AUH: variants seen among roughly 807,000 people sequenced by gnomAD.
AUH encodes the protein AU RNA binding methylglutaconyl-CoA hydratase.
In AUH, 29 loss-of-function variants were observed where a neutral mutation model predicts 42.3. That is an observed-to-expected ratio of 0.69 (90% CI 0.51 to 0.93). The LOEUF (loss-of-function observed/expected upper bound fraction) is 0.93, where lower values mean the gene tolerates loss of function less well. Among genes scored for constraint, AUH ranks in the 40% least tolerant of loss-of-function variants. The pLI, the probability that AUH is intolerant of heterozygous loss-of-function variation, is 0.00. For missense variants in AUH, 452 were observed against 438.1 expected, an observed-to-expected ratio of 1.03 and a Z score of -0.28; for synonymous variants, 174 against 166.4, an observed-to-expected ratio of 1.05 and a Z score of -0.35.
At chr9:91,344,494 A>G (rs550966543) in intron 3 of AUH, among the ~76,000 whole-genome samples, 47 of 152,366 alleles carry the variant, frequency 3.1e-4, no homozygotes, top group Admixed American at 5.9e-4. Context: ...TATTTGGCTC[A>G]GAATAAATCT....
At chr9:91,288,259 G>C (rs920985355) in intron 6 of AUH, among the ~76,000 whole-genome samples, 1 of 152,146 alleles carries the variant, frequency 6.6e-6, no homozygotes, top group Non-Finnish European at 1.5e-5. Context: ...TAAATTTAAA[G>C]AGATACTGTC....
chr9:91,214,802 T>C (rs964254992), intron 9 of AUH, among the ~76,000 whole-genome samples: 2 of 152,248 alleles, frequency 1.3e-5, no homozygotes, highest in African/African-American at 4.8e-5. Context: ...CTCTGACATA[T>C]AACATTATTT....
Position 91,243,627 on chromosome 9 carries a change from G to A in AUH, c.656-22635C>T, listed in dbSNP as rs563226781. Among the ~76,000 whole-genome samples the A allele has an allele frequency of 7.5e-4, 114 of 152,342 alleles. 2 individuals are homozygous for A. In the South Asian group the frequency reaches 0.021, roughly 28 times the overall value. ...AGAAAAGGCCTGAGACGTGAAAGAT[G>A]TGGAACTGACCACAAAGCACAGAAC... On this transcript the variant is annotated intron_variant, in intron 6 of 9. Transcript: ENST00000375731.
chr9:91,247,307 A>G (rs978495071), intron 6 of AUH, among the ~76,000 whole-genome samples: 1 of 152,112 alleles, frequency 6.6e-6, no homozygotes, highest in African/African-American at 2.4e-5. Flanking sequence ...CTCACTCCCC[A>G]TAAAGGTGGT....
At chr9:91,273,590 A>G (rs1221022792) in intron 6 of AUH, among the ~76,000 whole-genome samples, 1 of 152,248 alleles carries the variant, frequency 6.6e-6, no homozygotes. Context: ...AAAATGTTAC[A>G]TTTATTTAAG....
chr9:91,301,463 G>A (rs1031871387), intron 4 of AUH, among the ~76,000 whole-genome samples: 6 of 152,200 alleles, frequency 3.9e-5, no homozygotes, highest in Non-Finnish European at 7.4e-5. Flanking sequence ...CCAGCATTCT[G>A]GGAGGCCAAG....
intron 3 of AUH, among the ~76,000 whole-genome samples, 186 bp downstream of exon 3, chr9:91,355,697 T>C (rs970480827): frequency 1.3e-5 from 2 of 152,210 alleles, no homozygotes; most frequent in African/African-American, 4.8e-5. Flanking sequence ...AATCTAAATG[T>C]TGCAAAAGCT....
chr9:91,317,349 A>C (rs1473195837), intron 4 of AUH, among the ~76,000 whole-genome samples: 1 of 152,112 alleles, frequency 6.6e-6, no homozygotes, highest in Non-Finnish European at 1.5e-5. Flanking sequence ...ATTTGTCTCC[A>C]TTTATTTTTT....
intron 4 of AUH, among the ~76,000 whole-genome samples, chr9:91,315,482 C>G (rs968779321): frequency 2.0e-5 from 3 of 152,206 alleles, no homozygotes; most frequent in Non-Finnish European, 2.9e-5. Flanking sequence ...TTTCTGGATT[C>G]TGGCCAGAGG....
At chr9:91,256,421 G>C (rs1829405859) in intron 6 of AUH, among the ~76,000 whole-genome samples, 1 of 152,062 alleles carries the variant, frequency 6.6e-6, no homozygotes, top group East Asian at 1.9e-4. Flanking sequence ...CTCCTTTGGT[G>C]CTCATGAAGA....
At chr9:91,311,289 T>A (rs914127273) in intron 4 of AUH, among the ~76,000 whole-genome samples, 1 of 152,226 alleles carries the variant, frequency 6.6e-6, no homozygotes, top group Non-Finnish European at 1.5e-5. Flanking sequence ...ATGAATTTTG[T>A]CAGCTGTCCC....
Position 91,222,185 on chromosome 9 carries a change from T to C in AUH, c.656-1193A>G, listed in dbSNP as rs571786307. On this transcript the variant is annotated intron_variant, in intron 6 of 9. Transcript: ENST00000375731. ...AAAAAACCAATTTACCTCCAGTATTTTTCCTTTAAAGGAAAGCAAAATCAT... is the reference window on the plus strand; with the variant it reads ...AAAAAACCAATTTACCTCCAGTATTCTTCCTTTAAAGGAAAGCAAAATCAT... Among the ~76,000 whole-genome samples, 588 of 152,364 alleles carry C rather than the reference T, an allele frequency of 3.9e-3. 1 individual carries two copies. The highest frequency in any genetic ancestry group is 7.0e-3 in the Non-Finnish European group (476 of 68,034).
intron 6 of AUH, among the ~76,000 whole-genome samples, chr9:91,236,974 A>G (rs1457349874): frequency 2.6e-5 from 4 of 152,186 alleles, no homozygotes; most frequent in Non-Finnish European, 5.9e-5. Flanking sequence ...AGTCTACCAC[A>G]ATTTCTACAT....
At chr9:91,261,506 T>C (rs1334839474) in intron 6 of AUH, among the ~76,000 whole-genome samples, 1 of 152,236 alleles carries the variant, frequency 6.6e-6, no homozygotes, top group Non-Finnish European at 1.5e-5. Flanking sequence ...TCTCTGGTAG[T>C]TCCTTTGTGG....
chr9:91,358,791 A>G (rs752755424), intron 1 of AUH, among the ~76,000 whole-genome samples: 16 of 152,236 alleles, frequency 1.1e-4, no homozygotes, highest in Non-Finnish European at 2.1e-4. Flanking sequence ...GAGTACTTCC[A>G]CTTCAAAAAG....
chr9:91,313,753 GAAGA>G (rs1828910730), intron 4 of AUH, among the ~76,000 whole-genome samples: 1 of 148,144 alleles, frequency 6.8e-6, no homozygotes, highest in South Asian at 2.1e-4. Flanking sequence ...AACTTTATGA[GAAGA>G]ACTAGTGAAA....
chr9:91,283,560 A>G (rs1323652953), intron 6 of AUH, among the ~76,000 whole-genome samples: 1 of 152,124 alleles, frequency 6.6e-6, no homozygotes, highest in Non-Finnish European at 1.5e-5. Flanking sequence ...TATTTAGAAA[A>G]CCCCATTGTC....
rs552769783 is a variant in AUH, at chr9:91,292,430, C to T, written c.655+3591G>A. Among the ~76,000 whole-genome samples the T allele has an allele frequency of 3.3e-5, 5 of 152,134 alleles. No homozygotes were observed. In the South Asian group the frequency reaches 1.0e-3, roughly 32 times the overall value. On this transcript the variant is annotated intron_variant, in intron 6 of 9. Coordinates refer to ENST00000375731, the MANE Select transcript of AUH (RefSeq NM_001698.3). Reference sequence around the variant, plus strand: ...GGTAGCTGTGATTACAAGCACGCACCACCATGACTGGCTAATTCTTCTATT... The same window carrying T: ...GGTAGCTGTGATTACAAGCACGCACTACCATGACTGGCTAATTCTTCTATT...
chr9:91,350,652 G>A (rs1461243843), intron 3 of AUH, among the ~76,000 whole-genome samples: 2 of 151,768 alleles, frequency 1.3e-5, no homozygotes, highest in Non-Finnish European at 2.9e-5. Context: ...CCAGCTACTC[G>A]GGAGGCTGAG....
Sources: gnomAD v4.1 joint callset for allele counts (sites outside exome capture counted in the v4.1 genomes callset) on GRCh38, gnomAD v4.1.1 for gene constraint, MANE v1.5 for transcripts, NCBI Gene and HGNC (gene_info 2026-07-23, HGNC 2026-07-21) for gene names.